DEUP1: variants seen among roughly 807,000 people sequenced by gnomAD.
The protein encoded by DEUP1 is deuterosome assembly protein 1, also known as coiled-coil domain containing 67.
Under a neutral mutation model 87.4 loss-of-function variants are expected in DEUP1, and 82 were observed. That is an observed-to-expected ratio of 0.94 (90% CI 0.78 to 1.13). The LOEUF is 1.13. Ranked by LOEUF, DEUP1 falls within the 50% of genes most tolerant of loss-of-function variation. The pLI, the probability that DEUP1 is intolerant of heterozygous loss-of-function variation, is 0.00. For synonymous variants in DEUP1, 214 were observed against 222.7 expected, an observed-to-expected ratio of 0.96 and a Z score of 0.35; for missense variants, 663 against 681.5, an observed-to-expected ratio of 0.97 and a Z score of 0.30.
chr11:93,391,224 A>C (rs546617220), intron 9 of DEUP1, among the ~76,000 whole-genome samples: 1 of 152,080 alleles, frequency 6.6e-6, no homozygotes, highest in Non-Finnish European at 1.5e-5. Context: ...TGTTTTAGCC[A>C]TTTATTTTGT....
Position 93,396,326 on chromosome 11 carries a change from G to A in DEUP1, c.1326+1G>A, listed in dbSNP as rs1363135659. ...AGATTTAGACCCCGGAGAATACATGGTAATATGCTGACATCATTCAATAAA... is the reference window on the plus strand; with the variant it reads ...AGATTTAGACCCCGGAGAATACATGATAATATGCTGACATCATTCAATAAA... On this transcript the variant is annotated splice_donor_variant, in intron 11 of 13. Transcript: ENST00000298050. LOFTEE classifies it high-confidence loss of function. 13 of 1,506,540 alleles carry A rather than the reference G, an allele frequency of 8.6e-6. No individual in the cohort carries two copies. The highest frequency in any genetic ancestry group is 1.2e-5 in the Non-Finnish European group (13 of 1,105,442). The allele number at this position is 1,506,540 out of a possible 1,614,324, so 93.3% of individuals were successfully genotyped here.
intron 9 of DEUP1, among the ~76,000 whole-genome samples, chr11:93,392,560 A>T (rs193260632): frequency 9.8e-5 from 15 of 152,348 alleles, no homozygotes; most frequent in African/African-American, 3.6e-4. Context: ...AACTTAAACA[A>T]CATTTATTAT....
chr11:93,419,821 A>G (rs6483238), intron 13 of DEUP1, among the ~76,000 whole-genome samples: 1,676 of 151,822 alleles, frequency 0.011, 29 homozygotes, highest in African/African-American at 0.038. Context: ...TTCTGGGAAA[A>G]AAATAAAAAT....
chr11:93,372,354 T>C (rs2134272262), intron 7 of DEUP1, among the ~76,000 whole-genome samples: 1 of 152,292 alleles, frequency 6.6e-6, no homozygotes, highest in South Asian at 2.1e-4. Context: ...GGCCGATATC[T>C]TTTCCCCACT....
At position 93,356,987 on chromosome 11, in the gene DEUP1, TG is replaced by T; in HGVS notation, c.242del (p.Cys81LeufsTer3). ...LRQKLDSLEK[C>X]NLAMTQNYEG... is the part of the protein sequence containing the mutation. The stretch of plus-strand genomic sequence containing the variant: ...ACAGAAATTGGACAGTCTGGAAAAA[TG>T]TAATTTAGCAATGACTCAGAATTAT... On this transcript the variant is annotated frameshift_variant, in exon 4 of 14. Transcript: ENST00000298050. LOFTEE classifies it high-confidence loss of function. 1 of 1,603,982 alleles carries T rather than the reference TG, an allele frequency of 6.2e-7. No individual in the cohort carries two copies. Among genetic ancestry groups the T allele is most frequent in the Admixed American group, 1.7e-5 (1 of 58,718 alleles).
intron 7 of DEUP1, 35 bp from the exon 8 acceptor site, chr11:93,385,363 C>A: frequency 2.5e-6 from 4 of 1,606,288 alleles, no homozygotes; most frequent in Non-Finnish European, 3.4e-6. Context: ...TGATAACCAA[C>A]AATGAGCATG....
intron 13 of DEUP1, among the ~76,000 whole-genome samples, chr11:93,430,424 GC>G (rs1052095292): frequency 1.3e-5 from 2 of 152,056 alleles, no homozygotes; most frequent in Non-Finnish European, 2.9e-5. Context: ...GCCAAAAAAG[GC>G]CAAAAATTAC....
At chr11:93,403,559 A>G (rs1462403199) in intron 11 of DEUP1, among the ~76,000 whole-genome samples, 1 of 151,782 alleles carries the variant, frequency 6.6e-6, no homozygotes, top group Non-Finnish European at 1.5e-5. Context: ...TGTATAGTTT[A>G]GCATGCTCTC....
intron 12 of DEUP1, 112 bp from the exon 13 acceptor site, chr11:93,414,888 C>T (rs1947558389): frequency 4.0e-6 from 2 of 499,698 alleles, no homozygotes; most frequent in Admixed American, 3.7e-5. Context: ...CAAGCCCAAA[C>T]ATTTTGTTGT....
chr11:93,383,939 T>C (rs1323678155), intron 7 of DEUP1, among the ~76,000 whole-genome samples: 1 of 152,208 alleles, frequency 6.6e-6, no homozygotes, highest in Non-Finnish European at 1.5e-5. Flanking sequence ...TTGGATCAAG[T>C]CTGGCATTCA....
chr11:93,401,291 A>G (rs1388055971), intron 11 of DEUP1, among the ~76,000 whole-genome samples: 2 of 152,148 alleles, frequency 1.3e-5, no homozygotes, highest in African/African-American at 4.8e-5. Context: ...AAAGAAATTG[A>G]AGAGGATAAA....
At chr11:93,398,872 C>T (rs1181670258) in intron 11 of DEUP1, among the ~76,000 whole-genome samples, 1 of 152,006 alleles carries the variant, frequency 6.6e-6, no homozygotes, top group African/African-American at 2.4e-5. Context: ...AGGCACATGC[C>T]ACCATGTCCA....
At chr11:93,394,389 G>GC (rs2134363492) in intron 9 of DEUP1, 70 bp from the exon 10 acceptor site, 2 of 1,172,182 alleles carry the variant, frequency 1.7e-6, no homozygotes, top group Non-Finnish European at 2.3e-6. Context: ...ACTGAACATG[G>GC]CCAGTAAAAT....
At chr11:93,350,447 G>A (rs1944570035) in intron 2 of DEUP1, among the ~76,000 whole-genome samples, 1 of 152,166 alleles carries the variant, frequency 6.6e-6, no homozygotes, top group Non-Finnish European at 1.5e-5. Flanking sequence ...TTACTGTCTA[G>A]CTACAATCTC....
Position 93,396,325 on chromosome 11 carries a change from G to A in DEUP1, c.1326G>A (p.Met442Ile). 2.6e-6 allele frequency: 4 copies of A among 1,514,092 alleles called. No individual in the cohort carries two copies. The highest frequency in any genetic ancestry group is 3.6e-6 in the Non-Finnish European group (4 of 1,111,298). The allele number at this position is 1,514,092 out of a possible 1,614,324, so 93.8% of individuals were successfully genotyped here. A position where few individuals can be genotyped will look rare whatever the true frequency, so the allele number is the denominator to read the frequency against. The change falls in exon 11 of 14, where the codon ATG becomes ATA. Residue 442 changes from methionine (M) to isoleucine (I), a missense_variant and splice_region_variant. Coordinates refer to ENST00000298050, the MANE Select transcript of DEUP1 (RefSeq NM_181645.4). Reference protein sequence around the residue: ...MMGDLDPGEYMSMDFTNREQS... With the variant: ...MMGDLDPGEYISMDFTNREQS... ...GAGATTTAGACCCCGGAGAATACAT[G>A]GTAATATGCTGACATCATTCAATAA...
intron 4 of DEUP1, among the ~76,000 whole-genome samples, chr11:93,358,164 T>C (rs1301109974): frequency 6.6e-6 from 1 of 152,236 alleles, no homozygotes; most frequent in Non-Finnish European, 1.5e-5. Flanking sequence ...CTCTAAGTTG[T>C]ATTTAACCAG....
intron 13 of DEUP1, among the ~76,000 whole-genome samples, chr11:93,427,261 T>C (rs1947951265): frequency 6.6e-6 from 1 of 151,230 alleles, no homozygotes; most frequent in Non-Finnish European, 1.5e-5. Flanking sequence ...AGCATGGTAC[T>C]GGTACCAAAA....
intron 2 of DEUP1, among the ~76,000 whole-genome samples, chr11:93,336,554 C>T (rs777930399): frequency 6.6e-6 from 1 of 152,160 alleles, no homozygotes; most frequent in Non-Finnish European, 1.5e-5. Flanking sequence ...GGAGAGTATA[C>T]CAGCATTCTG....
At chr11:93,361,334 G>A (rs767998086) in intron 4 of DEUP1, among the ~76,000 whole-genome samples, 9 of 152,166 alleles carry the variant, frequency 5.9e-5, no homozygotes, top group South Asian at 2.1e-4. Context: ...AGACATCAGC[G>A]AAGAAGTAAA....
Sources: gnomAD v4.1 joint callset for allele counts (sites outside exome capture counted in the v4.1 genomes callset) on GRCh38, gnomAD v4.1.1 for gene constraint, MANE v1.5 for transcripts, NCBI Gene and HGNC (gene_info 2026-07-23, HGNC 2026-07-21) for gene names.